The following THADA variants were observed in gnomAD, a reference collection of about 807,000 sequenced individuals.
THADA encodes tRNA (32-2'-O)-methyltransferase regulator THADA.
THADA carries 213 observed loss-of-function variants against 219.8 expected under a neutral mutation model. That is an observed-to-expected ratio of 0.97 (90% CI 0.87 to 1.09). The LOEUF (loss-of-function observed/expected upper bound fraction) is 1.09. THADA is among the 50% of genes least tolerant of loss of function. The pLI is 0.00. For synonymous variants in THADA, 1,018 were observed against 828.9 expected (o/e 1.23, Z -3.92); for missense variants, 2,956 against 2,311.3 (o/e 1.28, Z -5.72).
intron 28 of THADA, among the ~76,000 whole-genome samples, chr2:43,421,139 T>A (rs1212363008): frequency 1.3e-5 from 2 of 152,192 alleles, no homozygotes; most frequent in African/African-American, 2.4e-5. Context: ...GTTTTGCAAG[T>A]TTGGCCTATA....
At chr2:43,589,953 A>G (rs898815416) in intron 4 of THADA, among the ~76,000 whole-genome samples, 5 of 152,224 alleles carry the variant, frequency 3.3e-5, no homozygotes, top group Non-Finnish European at 7.3e-5. Context: ...GACATTCTTT[A>G]GTGAAAAAAC....
At chr2:43,482,069 A>G (rs1686296305) in intron 26 of THADA, among the ~76,000 whole-genome samples, 1 of 152,190 alleles carries the variant, frequency 6.6e-6, no homozygotes, top group African/African-American at 2.4e-5. Flanking sequence ...GAAAACATGC[A>G]TATTGCACAG....
At chr2:43,555,866 C>T (rs1037851162) in intron 17 of THADA, among the ~76,000 whole-genome samples, 3 of 152,098 alleles carry the variant, frequency 2.0e-5, no homozygotes, top group African/African-American at 7.2e-5. Context: ...CATGAATCCC[C>T]AATAAATATT....
rs571287885 is a variant in THADA at position 43,292,802 on chromosome 2, T to C, written c.4818+32A>G. 7.4e-5 allele frequency: 117 copies of C among 1,591,284 alleles called. 1 individual carries two copies. The South Asian group carries it at 1.3e-3, about 17-fold the overall frequency. On this transcript the variant is annotated intron_variant, in intron 32 of 37. Coordinates refer to ENST00000405975, the MANE Select transcript of THADA (RefSeq NM_022065.5). ...GGCTCACAAAAGAATGTGGGGAGTG[T>C]AAAGGGCCAGTCAGTACGTTGGAGA...
At chr2:43,360,717 T>C (rs559722476) in intron 29 of THADA, among the ~76,000 whole-genome samples, 1 of 152,308 alleles carries the variant, frequency 6.6e-6, no homozygotes, top group African/African-American at 2.4e-5. Flanking sequence ...CCATAAACCA[T>C]TTTGGCCTTT....
chr2:43,509,357 A>T (rs1323610247), intron 22 of THADA, among the ~76,000 whole-genome samples: 2 of 152,200 alleles, frequency 1.3e-5, no homozygotes, highest in African/African-American at 4.8e-5. Context: ...GCATTATTAC[A>T]TTAAGCGCTA....
At chr2:43,342,104 G>C (rs2104530593) in intron 30 of THADA, among the ~76,000 whole-genome samples, 1 of 152,242 alleles carries the variant, frequency 6.6e-6, no homozygotes, top group African/African-American at 2.4e-5. Flanking sequence ...AGTCCCAGCT[G>C]CTCAGGGGAC....
rs1693404271 is a variant in THADA, at chr2:43,528,134, T to C, written c.3265-146A>G. Reference sequence around the variant, plus strand: ...ACAGAACATGTTTTAAGCTTTTTTTTTTTTTTTTTTTTTTGAGATGGATTT... The same window carrying C: ...ACAGAACATGTTTTAAGCTTTTTTTCTTTTTTTTTTTTTTGAGATGGATTT... On this transcript the variant is annotated intron_variant, in intron 21 of 37. Coordinates refer to ENST00000405975, the MANE Select transcript of THADA (RefSeq NM_022065.5). The C allele has an allele frequency of 1.4e-5, 7 of 509,576 alleles. No individual in the cohort carries two copies. In the South Asian group the frequency reaches 1.9e-4, roughly 14 times the overall value. 31.6% of individuals were successfully genotyped at this position (509,576 alleles called of 1,614,324 possible).
chr2:43,460,117 A>G lies in THADA; in HGVS notation c.3836+25117T>C, dbSNP rs146885559. Among the ~76,000 whole-genome samples, 3 of 152,206 alleles carry G rather than the reference A, an allele frequency of 2.0e-5. No individual in the cohort carries two copies. The East Asian group carries it at 5.8e-4, about 29-fold the overall frequency. ...CAAGGACCTTGTCAGATCACTGTCA[A>G]GGCATAATCCCACCTGAGTTATCAT... On this transcript the variant is annotated intron_variant, in intron 26 of 37. Coordinates refer to ENST00000405975, the MANE Select transcript of THADA (RefSeq NM_022065.5).
chr2:43,455,290 A>C (rs1332509077), intron 26 of THADA, among the ~76,000 whole-genome samples: 1 of 152,098 alleles, frequency 6.6e-6, no homozygotes, highest in Non-Finnish European at 1.5e-5. Flanking sequence ...TCTTAATTTC[A>C]TCTCACCTCC....
At chr2:43,264,574 C>T (rs1048053336) in intron 36 of THADA, among the ~76,000 whole-genome samples, 6 of 152,112 alleles carry the variant, frequency 3.9e-5, no homozygotes, top group Non-Finnish European at 5.9e-5. Flanking sequence ...CATGAGCCAC[C>T]GTGCTGGGCC....
At chr2:43,381,097 CAAAAAAAAAA>C (rs58711910) in intron 29 of THADA, among the ~76,000 whole-genome samples, 14 of 54,400 alleles carry the variant, frequency 2.6e-4, no homozygotes, top group Non-Finnish European at 4.1e-4. Flanking sequence ...GAGACTTTGT[CAAAAAAAAAA>C]AAAAAAAAAA....
At chr2:43,243,236 C>G (rs1668796771) in intron 36 of THADA, among the ~76,000 whole-genome samples, 2 of 152,144 alleles carry the variant, frequency 1.3e-5, no homozygotes, top group Non-Finnish European at 2.9e-5. Flanking sequence ...ATGACTGCTT[C>G]CCTTCACCCA....
At chr2:43,495,988 T>C (rs897926913) in intron 25 of THADA, among the ~76,000 whole-genome samples, 1 of 152,206 alleles carries the variant, frequency 6.6e-6, no homozygotes, top group Admixed American at 6.5e-5. Context: ...AGGCAAGAGT[T>C]GGCAACCTCA....
At chr2:43,250,032 C>A (rs183753300) in intron 36 of THADA, among the ~76,000 whole-genome samples, 1 of 152,208 alleles carries the variant, frequency 6.6e-6, no homozygotes, top group African/African-American at 2.4e-5. Context: ...ACCATGTGAC[C>A]CACAATTCCA....
At chr2:43,363,929 TA>T (rs1303651289) in intron 29 of THADA, among the ~76,000 whole-genome samples, 1 of 151,894 alleles carries the variant, frequency 6.6e-6, no homozygotes, top group Non-Finnish European at 1.5e-5. Context: ...TCTATAAAAA[TA>T]AAAAAATTAG....
intron 27 of THADA, among the ~76,000 whole-genome samples, chr2:43,428,719 A>T (rs1305506730): frequency 6.6e-6 from 1 of 152,108 alleles, no homozygotes; most frequent in African/African-American, 2.4e-5. Context: ...CATAAGAAAA[A>T]ACTACTAGCA....
At chr2:43,459,754 A>C (rs982415283) in intron 26 of THADA, among the ~76,000 whole-genome samples, 2 of 152,182 alleles carry the variant, frequency 1.3e-5, no homozygotes, top group Admixed American at 6.5e-5. Context: ...AATCTCTCAG[A>C]GTCTGGCCCA....
At chr2:43,440,015 T>C (rs1277246578) in intron 26 of THADA, among the ~76,000 whole-genome samples, 1 of 152,238 alleles carries the variant, frequency 6.6e-6, no homozygotes, top group Non-Finnish European at 1.5e-5. Flanking sequence ...CCTTTTTTAT[T>C]TATTAGATAT....
Sources: allele counts gnomAD v4.1 joint callset (sites outside exome capture counted in the v4.1 genomes callset), GRCh38; gene constraint gnomAD v4.1.1; transcripts MANE v1.5; gene names NCBI Gene and HGNC (gene_info 2026-07-23, HGNC 2026-07-21).